Variants in BAHD1 observed in about 807,000 individuals in gnomAD.
BAHD1 encodes the protein bromo adjacent homology domain containing 1.
A neutral mutation model predicts 63.1 loss-of-function variants in BAHD1; 20 were observed. That is an observed-to-expected ratio of 0.32 (90% CI 0.22 to 0.46). BAHD1 has a LOEUF of 0.46. Ranked by LOEUF, BAHD1 falls within the 20% of genes least tolerant of loss-of-function variation. BAHD1 has a pLI of 1.00. For missense variants in BAHD1, 939 were observed against 1,071.8 expected (o/e 0.88, Z 1.73); for synonymous variants, 408 against 426.8 (o/e 0.96, Z 0.54).
At chr15:40,462,551 G>A (rs1424724664) in intron 3 of BAHD1, among the ~76,000 whole-genome samples, 1 of 152,044 alleles carries the variant, frequency 6.6e-6, no homozygotes, top group Non-Finnish European at 1.5e-5. Context: ...ATCTCGGTGA[G>A]TGTCTTCCCC....
chr15:40,440,156 G>A (rs918794631), upstream of BAHD1, among the ~76,000 whole-genome samples: 8 of 152,280 alleles, frequency 5.3e-5, no homozygotes, highest in Non-Finnish European at 1.2e-4. Context: ...ATGGATGAGG[G>A]CTCCACACTC....
chr15:40,447,295 C>T (rs1434272148), intron 1 of BAHD1, among the ~76,000 whole-genome samples: 2 of 151,996 alleles, frequency 1.3e-5, no homozygotes, highest in African/African-American at 2.4e-5. Flanking sequence ...GGCCAGGTGC[C>T]GTGGCTCACA....
At position 40,462,224 on chromosome 15, in the gene BAHD1, G is replaced by A. The variant is rs780974137; in HGVS notation, c.1745G>A (p.Arg582His). Residue 582 changes from arginine (R) to histidine (H), a missense_variant, in exon 3 of 7, where the codon CGC becomes CAC. Physicochemically the swap from Arg to His is conservative, Grantham distance 29. Coordinates refer to ENST00000416165, the MANE Select transcript of BAHD1 (RefSeq NM_014952.5). ...QPRVQRPRPRRRRRRRTNGWV... is the reference protein window; with the variant it reads ...QPRVQRPRPRHRRRRRTNGWV... ...CGTGTCCAGCGCCCACGCCCTCGCC[G>A]CCGCCGTCGCCGCCGCACTAATGGC... The A allele has an allele frequency of 1.3e-5, 21 of 1,611,142 alleles. No individual in the cohort carries two copies. The highest frequency in any genetic ancestry group is 2.2e-5 in the East Asian group (1 of 44,844).
In BAHD1 at chr15:40,459,861, G is replaced by A. The variant is rs1391246569; in HGVS notation, c.1397G>A (p.Cys466Tyr). 6.2e-7 allele frequency: 1 copy of A among 1,600,350 alleles called. No individual in the cohort carries two copies. Among genetic ancestry groups the A allele is most frequent in the Admixed American group, 1.7e-5 (1 of 59,102 alleles). ...PLSVTHAGTT[C>Y]GGCPYKMPFA... ...TCTGTTACCCACGCTGGCACTACCTGTGGCGGCTGCCCATACAAAATGCCT... is the reference window on the plus strand; with the variant it reads ...TCTGTTACCCACGCTGGCACTACCTATGGCGGCTGCCCATACAAAATGCCT... The change falls in exon 2 of 7, where the codon TGT becomes TAT. Residue 466 changes from cysteine (C) to tyrosine (Y), a missense_variant. Coordinates refer to ENST00000416165, the MANE Select transcript of BAHD1 (RefSeq NM_014952.5).
chr15:40,451,751 G>A (rs578001579), intron 1 of BAHD1, among the ~76,000 whole-genome samples: 1 of 152,376 alleles, frequency 6.6e-6, no homozygotes, highest in African/African-American at 2.4e-5. Context: ...AAGAGGTGCT[G>A]TGTGCCTGAG....
chr15:40,447,957 ATGTT>A (rs1266995125), intron 1 of BAHD1, among the ~76,000 whole-genome samples: 2 of 152,174 alleles, frequency 1.3e-5, no homozygotes, highest in African/African-American at 2.4e-5. Context: ...AGGATATAAA[ATGTT>A]TGTTTCGGCC....
intron 5 of BAHD1, 176 bp from the exon 6 acceptor site, chr15:40,465,159 G>C (rs946944027): frequency 9.7e-6 from 6 of 615,804 alleles, no homozygotes; most frequent in African/African-American, 9.2e-5. Flanking sequence ...ACCTAGAAGG[G>C]ACTCAGGAGG....
Position 40,462,305 on chromosome 15 carries a change from G to C in BAHD1, c.1815+11G>C. The C allele has an allele frequency of 6.3e-7, 1 of 1,585,148 alleles. No homozygotes were observed. The highest frequency in any genetic ancestry group is 1.1e-5 in the South Asian group (1 of 88,326). On this transcript the variant is annotated intron_variant, in intron 3 of 6. Coordinates refer to ENST00000416165, the MANE Select transcript of BAHD1 (RefSeq NM_014952.5). ...GCTGTGTATGTCTTGGTAAGTGCTA[G>C]CTCTTAGCTGATGACGAGAGGGAGG...
intron 1 of BAHD1, among the ~76,000 whole-genome samples, chr15:40,447,520 T>C (rs901373498): frequency 1.3e-5 from 2 of 151,192 alleles, no homozygotes; most frequent in Admixed American, 6.6e-5. Context: ...ATCGCGCCAG[T>C]GCACTCCAGT....
At chr15:40,453,227 TTAAATC>T (rs1893756644) in intron 1 of BAHD1, among the ~76,000 whole-genome samples, 1 of 152,216 alleles carries the variant, frequency 6.6e-6, no homozygotes, top group Non-Finnish European at 1.5e-5. Flanking sequence ...GACAGAGCAT[TTAAATC>T]TAGGTCTGAC....
chr15:40,466,243 C>G lies in BAHD1; in HGVS notation c.*113C>G. 3.2e-6 allele frequency: 3 copies of G among 929,478 alleles called. No homozygotes were observed. The highest frequency in any genetic ancestry group is 4.5e-6 in the Non-Finnish European group (3 of 671,780). 57.6% of individuals were successfully genotyped at this position (929,478 alleles called of 1,614,324 possible). ...GCCACAGAGGCCTAAGTTTGCTGGC[C>G]TGTGGTTTTCTTGGGGGGGAGGGCA... On this transcript the variant is annotated 3_prime_UTR_variant, in exon 7 of 7. Coordinates refer to ENST00000416165, the MANE Select transcript of BAHD1 (RefSeq NM_014952.5).
chr15:40,467,331 C>T lies in BAHD1; in HGVS notation c.*1201C>T. 1 of 153,130 alleles carries T rather than the reference C, an allele frequency of 6.5e-6. No homozygotes were observed. Among genetic ancestry groups the T allele is most frequent in the Admixed American group, 6.5e-5 (1 of 15,312 alleles). 9.5% of individuals were successfully genotyped at this position (153,130 alleles called of 1,614,324 possible). A position where few individuals can be genotyped will look rare whatever the true frequency, so the allele number is the denominator to read the frequency against. ...CTGGCCCTGAGACTCTGTGAGGGGG[C>T]TGGAGCAGCCTGGTTATTTCCTATC... is the stretch of plus-strand genomic sequence containing the variant. On this transcript the variant is annotated 3_prime_UTR_variant, in exon 7 of 7. Transcript: ENST00000416165.
Position 40,458,662 on chromosome 15 carries a change from G to T in BAHD1, c.198G>T (p.Lys66Asn). 2 of 1,613,910 alleles carry T rather than the reference G, an allele frequency of 1.2e-6. No individual in the cohort carries two copies. Among genetic ancestry groups the T allele is most frequent in the Non-Finnish European group, 1.7e-6 (2 of 1,179,946 alleles). The change falls in exon 2 of 7, where the codon AAG becomes AAT. Residue 66 changes from lysine (K) to asparagine (N), a missense_variant. By Grantham distance (94) the Lys-to-Asn change is moderately conservative. Around this residue, in one of 5 missense-constraint regions of BAHD1, gnomAD observed 797 missense variants for 813.3 expected, o/e 0.98. Coordinates refer to ENST00000416165, the MANE Select transcript of BAHD1 (RefSeq NM_014952.5). The surrounding 1 kb of genome is among the most constrained non-coding windows in gnomAD (Gnocchi z 4.7). ...GTAAGCGCCCATTGGTTCCTGAGAA[G>T]CCCAAGGCCTGCAAAGTGCTGCTGA... Reference protein sequence around the residue: ...PLRKRPLVPEKPKACKVLLTR... With the variant: ...PLRKRPLVPENPKACKVLLTR...
Position 40,463,861 on chromosome 15 carries a change from G to A in BAHD1, c.1816G>A (p.Asp606Asn). ...AACEKAVYVL[D>N]EPEPAIRKSY... The stretch of plus-strand genomic sequence containing the variant: ...TTTGTGTCATTGGTTTGTTGCCTAG[G>A]ATGAGCCGGAGCCAGCCATCCGAAA... Residue 606 changes from aspartate to asparagine, a missense_variant and splice_region_variant, in exon 4 of 7, where the codon GAT (aspartate) becomes AAT (asparagine). By Grantham distance (23) the Asp-to-Asn change is conservative. Transcript: ENST00000416165. 1 of 1,614,142 alleles carries A rather than the reference G, an allele frequency of 6.2e-7. No homozygotes were observed.
intron 4 of BAHD1, 138 bp from the exon 5 acceptor site, chr15:40,464,333 C>T (rs535862616): frequency 5.3e-6 from 4 of 751,928 alleles, no homozygotes; most frequent in Middle Eastern, 3.7e-4. Context: ...AATGCTTGGC[C>T]TGGGGCAGGG....
intron 1 of BAHD1, among the ~76,000 whole-genome samples, chr15:40,452,813 G>A (rs866901826): frequency 3.3e-5 from 5 of 152,114 alleles, no homozygotes; most frequent in South Asian, 2.1e-4. Context: ...GTCCCTTTCT[G>A]CTTCTATGGA....
chr15:40,459,376 G>A lies in BAHD1; in HGVS notation c.912G>A (p.Leu304=). Residue 304 remains leucine (L), a synonymous_variant, in exon 2 of 7, where the codon CTG becomes CTA. Transcript: ENST00000416165. The part of the protein sequence containing the change: ...QPSHQPLSKA[L]ESPLGLRPHL... ...CTCATCAGCCCCTGAGCAAGGCTCT[G>A]GAGAGCCCTTTGGGGCTGCGCCCTC... is the stretch of plus-strand genomic sequence containing the variant. The A allele has an allele frequency of 6.2e-7, 1 of 1,612,820 alleles. No homozygotes were observed.
chr15:40,460,700 G>A (rs991886426), intron 2 of BAHD1, among the ~76,000 whole-genome samples: 38 of 152,156 alleles, frequency 2.5e-4, no homozygotes, highest in Admixed American at 8.5e-4. Flanking sequence ...CCTCCTGGGT[G>A]GAAATGAGAC....
chr15:40,447,069 G>A (rs1227824467), intron 1 of BAHD1, among the ~76,000 whole-genome samples: 1 of 152,182 alleles, frequency 6.6e-6, no homozygotes, highest in Non-Finnish European at 1.5e-5. Flanking sequence ...CTGTTTTTTA[G>A]AGGACCTATG....
Sources: gnomAD v4.1 joint callset for allele counts (sites outside exome capture counted in the v4.1 genomes callset) on GRCh38, gnomAD v4.1.1 for gene constraint, gnomAD v4.1.1 regional missense constraint, Gnocchi (gnomAD v3.1) non-coding constraint, MANE v1.5 for transcripts, NCBI Gene and HGNC (gene_info 2026-07-23, HGNC 2026-07-21) for gene names.